The following SEC63 variants were observed in gnomAD, a reference collection of about 807,000 sequenced individuals.
The protein encoded by SEC63 is SEC63 protein translocation regulator.
Under a neutral mutation model 116.2 loss-of-function variants are expected in SEC63, and 56 were observed. That is an observed-to-expected ratio of 0.48 (90% CI 0.39 to 0.60). The LOEUF (loss-of-function observed/expected upper bound fraction) is 0.60. SEC63 is among the 20% of genes least tolerant of loss of function. SEC63 has a pLI of 0.00. For synonymous variants in SEC63, 273 were observed against 294.6 expected (o/e 0.93, Z 0.75); for missense variants, 668 against 900.0 (o/e 0.74, Z 3.30).
chr6:107,943,168 G>A (rs1215273900), intron 1 of SEC63, among the ~76,000 whole-genome samples: 1 of 152,222 alleles, frequency 6.6e-6, no homozygotes, highest in Non-Finnish European at 1.5e-5. Flanking sequence ...TGCAACACCT[G>A]AGCTCACTGC....
At chr6:107,886,370 T>C (rs1338058252) in intron 16 of SEC63, among the ~76,000 whole-genome samples, 1 of 152,262 alleles carries the variant, frequency 6.6e-6, no homozygotes. Context: ...TTTGGGTATA[T>C]ACCCAGTAAT....
At position 107,911,403 on chromosome 6, in the gene SEC63, T is replaced by C. The variant is rs768088158; in HGVS notation, c.574-7A>G. On this transcript the variant is annotated splice_polypyrimidine_tract_variant and splice_region_variant and intron_variant, in intron 6 of 20. Transcript: ENST00000369002. ...ATCCATATACAAGTAAAACCTAAAA[T>C]TGAAGAGAAAAAGAATTATGGCCTT... 6.3e-7 allele frequency: 1 copy of C among 1,589,036 alleles called. No individual in the cohort carries two copies. The highest frequency in any genetic ancestry group is 1.3e-5 in the African/African-American group (1 of 74,542).
Position 107,951,042 on chromosome 6 carries a change from A to G in SEC63, c.124+6844T>C, listed in dbSNP as rs142413804. ...AAAAAAGCAGTAAACAAAATTATGC[A>G]CTTACAAATAATGGTTGGATTGAAA... On this transcript the variant is annotated intron_variant, in intron 1 of 20. Transcript: ENST00000369002. 1.9e-3 allele frequency among the ~76,000 whole-genome samples: 283 copies of G among 152,362 alleles called. 1 individual carries two copies. The highest frequency in any genetic ancestry group is 6.2e-3 in the African/African-American group (256 of 41,586).
chr6:107,934,672 G>A (rs1458585018), intron 1 of SEC63, among the ~76,000 whole-genome samples: 1 of 111,804 alleles, frequency 8.9e-6, no homozygotes. Context: ...AGGGAGGTGG[G>A]GGGGTCAGCC....
intron 19 of SEC63, among the ~76,000 whole-genome samples, chr6:107,873,314 AGAATAAACGC>A (rs1562310971): frequency 1.3e-5 from 2 of 152,214 alleles, no homozygotes; most frequent in Non-Finnish European, 2.9e-5. Flanking sequence ...TCTTATTTCT[AGAATAAACGC>A]CCAATGCCAA....
intron 8 of SEC63, among the ~76,000 whole-genome samples, chr6:107,907,645 G>C (rs987893047): frequency 1.3e-5 from 2 of 152,144 alleles, no homozygotes; most frequent in African/African-American, 4.8e-5. Context: ...TAAGTGCACA[G>C]ACCTTGGTAT....
chr6:107,882,066 A>G (rs746272177), intron 17 of SEC63, among the ~76,000 whole-genome samples: 7 of 152,174 alleles, frequency 4.6e-5, no homozygotes, highest in Non-Finnish European at 8.8e-5. Flanking sequence ...CCTGGCAATC[A>G]ATTTAATTCT....
rs745489778 is a variant in SEC63, at chr6:107,921,933, A to C, written c.340-24T>G. 5 of 1,340,152 alleles carry C rather than the reference A, an allele frequency of 3.7e-6. No individual in the cohort carries two copies. The African/African-American group carries it at 7.2e-5, about 19-fold the overall frequency. The allele number at this position is 1,340,152 out of a possible 1,614,324, so 83.0% of individuals were successfully genotyped here. ...CCCTGGGGAAAAACAAAAAAAAAAA[A>C]CAAGCTTTCTGTTAGCAAAAATAAG... On this transcript the variant is annotated intron_variant, in intron 3 of 20. Coordinates refer to ENST00000369002, the MANE Select transcript of SEC63 (RefSeq NM_007214.5).
At chr6:107,916,930 G>A (rs991139222) in intron 4 of SEC63, among the ~76,000 whole-genome samples, 1 of 152,166 alleles carries the variant, frequency 6.6e-6, no homozygotes, top group African/African-American at 2.4e-5. Context: ...AATGGCCTCT[G>A]TTGGGAGCAA....
intron 1 of SEC63, among the ~76,000 whole-genome samples, chr6:107,940,110 C>A (rs1329455283): frequency 6.6e-6 from 1 of 152,110 alleles, no homozygotes; most frequent in Non-Finnish European, 1.5e-5. Flanking sequence ...GTCCTACTTA[C>A]ACCTATCCAC....
rs1210040483 is a variant in SEC63 at position 107,934,138 on chromosome 6, G to A, written c.125-4624C>T. On this transcript the variant is annotated intron_variant, in intron 1 of 20. Coordinates refer to ENST00000369002, the MANE Select transcript of SEC63 (RefSeq NM_007214.5). ...CCGAGATTGCAGCCTCTGCCCCGCC[G>A]CCACCCCGTCTGGGAAGTGAGGAGC... is the stretch of plus-strand genomic sequence containing the variant. Among the ~76,000 whole-genome samples, 22 of 152,092 alleles carry A rather than the reference G, an allele frequency of 1.4e-4. No homozygotes were observed. In the South Asian group the frequency reaches 1.5e-3, roughly 10 times the overall value.
chr6:107,956,897 T>C (rs1219038843), intron 1 of SEC63, among the ~76,000 whole-genome samples: 1 of 152,160 alleles, frequency 6.6e-6, no homozygotes, highest in Non-Finnish European at 1.5e-5. Flanking sequence ...TTAAGCAAGT[T>C]AGCACAGCTC....
chr6:107,910,602 A>T (rs952320213), intron 7 of SEC63, among the ~76,000 whole-genome samples: 2 of 152,068 alleles, frequency 1.3e-5, no homozygotes, highest in Admixed American at 6.5e-5. Flanking sequence ...TCATACACAC[A>T]CGTGTCATAC....
Position 107,911,391 on chromosome 6 carries a change from T to C in SEC63, c.579A>G (p.Leu193=), listed in dbSNP as rs760149956. 4 of 1,600,540 alleles carry C rather than the reference T, an allele frequency of 2.5e-6. No homozygotes were observed. The highest frequency in any genetic ancestry group is 3.4e-6 in the Non-Finnish European group (4 of 1,168,042). Residue 193 remains leucine (L), a synonymous_variant, in exon 7 of 21, where the codon TTA becomes TTG. Transcript: ENST00000369002. ...CCATAAATGCCAATCCATATACAAGTAAAACCTAAAATTGAAGAGAAAAAG... is the reference window on the plus strand; with the variant it reads ...CCATAAATGCCAATCCATATACAAGCAAAACCTAAAATTGAAGAGAAAAAG... The part of the protein sequence containing the change: ...IVDQKNSILV[L]LVYGLAFMVI...
chr6:107,894,985 C>T (rs1022112264), intron 14 of SEC63, among the ~76,000 whole-genome samples: 1 of 152,128 alleles, frequency 6.6e-6, no homozygotes, highest in East Asian at 1.9e-4. Context: ...CTTATAAAAC[C>T]TAAAATATTT....
intron 1 of SEC63, among the ~76,000 whole-genome samples, chr6:107,937,446 T>TC (rs1231960256): frequency 6.6e-6 from 1 of 152,202 alleles, no homozygotes. Context: ...CTTTATCCAG[T>TC]CCGCTATTGA....
At chr6:107,895,233 C>T (rs1786787556) in intron 14 of SEC63, among the ~76,000 whole-genome samples, 1 of 152,140 alleles carries the variant, frequency 6.6e-6, no homozygotes, top group Admixed American at 6.5e-5. Context: ...GCTCATTTTT[C>T]AGGCTGGGAA....
In SEC63 at chr6:107,876,676, A is replaced by C. The variant is rs1430475683; in HGVS notation, c.1936-14T>G. On this transcript the variant is annotated splice_polypyrimidine_tract_variant and intron_variant, in intron 18 of 20. Coordinates refer to ENST00000369002, the MANE Select transcript of SEC63 (RefSeq NM_007214.5). ...TTCTTGTTTTTCCTGGAAACAAAAAAAAAAAAAAAAAAAGAAGAGGGGTAT... is the reference window on the plus strand; with the variant it reads ...TTCTTGTTTTTCCTGGAAACAAAAACAAAAAAAAAAAAAGAAGAGGGGTAT... 1.4e-6 allele frequency: 2 copies of C among 1,464,206 alleles called. No homozygotes were observed. The highest frequency in any genetic ancestry group is 9.4e-7 in the Non-Finnish European group (1 of 1,064,358). The allele number at this position is 1,464,206 out of a possible 1,614,324, so 90.7% of individuals were successfully genotyped here.
intron 14 of SEC63, among the ~76,000 whole-genome samples, chr6:107,896,964 G>C (rs1786855603): frequency 6.6e-6 from 1 of 150,970 alleles, no homozygotes; most frequent in Admixed American, 6.6e-5. Flanking sequence ...TGGGAAACAA[G>C]GGTGAAACTC....
Sources: allele counts gnomAD v4.1 joint callset (sites outside exome capture counted in the v4.1 genomes callset), GRCh38; gene constraint gnomAD v4.1.1; transcripts MANE v1.5; gene names NCBI Gene and HGNC (gene_info 2026-07-23, HGNC 2026-07-21).